ACCSL: variants seen among roughly 807,000 people sequenced by gnomAD.
ACCSL encodes the protein probable inactive 1-aminocyclopropane-1-carboxylate synthase-like protein 2.
In ACCSL, 55 loss-of-function variants were observed where a neutral mutation model predicts 61.7. The ratio of observed to expected loss-of-function variants is 0.89; its 90% CI spans 0.72 to 1.12. ACCSL has a LOEUF of 1.12. ACCSL is among the 50% of genes most tolerant of loss of function. ACCSL has a pLI of 0.00. For missense variants in ACCSL, 632 were observed against 698.0 expected (o/e 0.91, Z 1.07); for synonymous variants, 258 against 264.3 (o/e 0.98, Z 0.23).
At chr11:44,032,083 G>A in the ACCSL span, among the ~76,000 whole-genome samples, 3 of 152,140 alleles carry the variant, frequency 2.0e-5, no homozygotes, top group Non-Finnish European at 4.4e-5. Flanking sequence ...CATACTTAGC[G>A]GCTTAAGACT....
the ACCSL span, chr11:44,001,263 C>T: frequency 4.6e-5 from 7 of 151,598 alleles, no homozygotes; most frequent in South Asian, 1.3e-3. Flanking sequence ...GAACAATACT[C>T]GTTATTTGTA....
chr11:44,021,509 T>G, the ACCSL span, among the ~76,000 whole-genome samples: 10 of 151,946 alleles, frequency 6.6e-5, no homozygotes, highest in African/African-American at 2.4e-4. Context: ...TTGTAGCTTC[T>G]GTATATTAGT....
the ACCSL span, among the ~76,000 whole-genome samples, chr11:44,021,172 T>G: frequency 6.6e-6 from 1 of 152,192 alleles, no homozygotes; most frequent in Non-Finnish European, 1.5e-5. Flanking sequence ...AGCTCTAGTT[T>G]TAGTTCTTTA....
chr11:44,013,574 C>G, the ACCSL span, among the ~76,000 whole-genome samples: 1 of 152,110 alleles, frequency 6.6e-6, no homozygotes, highest in Non-Finnish European at 1.5e-5. Flanking sequence ...ATTACAGGCG[C>G]GAGCCACCAC....
At chr11:44,053,203 G>A (rs2134771140) in intron 7 of ACCSL, 135 bp downstream of exon 7, 1 of 876,326 alleles carries the variant, frequency 1.1e-6, no homozygotes, top group Non-Finnish European at 1.8e-6. Flanking sequence ...AATGATCCAG[G>A]GGTGTGTCCC....
At chr11:43,951,611 T>C in the ACCSL span, among the ~76,000 whole-genome samples, 2 of 152,240 alleles carry the variant, frequency 1.3e-5, no homozygotes, top group South Asian at 4.1e-4. Context: ...TTATGATGGT[T>C]TGACCCCCCA....
the ACCSL span, among the ~76,000 whole-genome samples, chr11:43,947,828 A>G: frequency 6.6e-6 from 1 of 152,142 alleles, no homozygotes; most frequent in African/African-American, 2.4e-5. Context: ...GGGTTCCTGG[A>G]TAATGGGGCT....
chr11:43,959,022 C>G, the ACCSL span, among the ~76,000 whole-genome samples: 1 of 152,168 alleles, frequency 6.6e-6, no homozygotes, highest in African/African-American at 2.4e-5. Flanking sequence ...TTCCCTCCAG[C>G]CCTTTTATAA....
the ACCSL span, among the ~76,000 whole-genome samples, chr11:43,947,862 C>T: frequency 6.6e-6 from 1 of 152,070 alleles, no homozygotes; most frequent in Admixed American, 6.5e-5. Context: ...AGACAGGAGC[C>T]CGGGCATCTG....
At chr11:43,924,723 G>A in the ACCSL span, among the ~76,000 whole-genome samples, 568 of 152,348 alleles carry the variant, frequency 3.7e-3, 5 homozygotes, top group African/African-American at 0.013. Context: ...CACCTGCCTG[G>A]GGGTTCGGTC....
At chr11:44,022,967 G>A in the ACCSL span, among the ~76,000 whole-genome samples, 1 of 151,332 alleles carries the variant, frequency 6.6e-6, no homozygotes, top group Non-Finnish European at 1.5e-5. Context: ...TTTTCTTTAT[G>A]GGAAGTTTTC....
chr11:43,983,535 A>G, the ACCSL span, among the ~76,000 whole-genome samples: 1 of 152,288 alleles, frequency 6.6e-6, no homozygotes, highest in Non-Finnish European at 1.5e-5. Context: ...GAACCAGAGA[A>G]TGATTGCATT....
the ACCSL span, among the ~76,000 whole-genome samples, chr11:44,012,908 G>C: frequency 3.2e-4 from 48 of 152,222 alleles, no homozygotes; most frequent in African/African-American, 1.1e-3. Context: ...TTCCTTCTTG[G>C]TGTCCTTTAC....
Position 44,056,401 on chromosome 11 carries a change from C to A in ACCSL, c.1327+75C>A. On this transcript the variant is annotated intron_variant, in intron 11 of 13. Coordinates refer to ENST00000378832, the MANE Select transcript of ACCSL (RefSeq NM_001031854.2). ...GGGGAATTCTTGGATTTGCTTGGGC[C>A]TCTGATGTGCCCTTAATATACTGAG... is the stretch of plus-strand genomic sequence containing the variant. 5 of 1,516,670 alleles carry A rather than the reference C, an allele frequency of 3.3e-6. No homozygotes were observed. The South Asian group carries it at 6.1e-5, about 19-fold the overall frequency. 94.0% of individuals were successfully genotyped at this position (1,516,670 alleles called of 1,614,324 possible). A position where few individuals can be genotyped will look rare whatever the true frequency, so the allele number is the denominator to read the frequency against.
At chr11:43,933,907 A>T in the ACCSL span, among the ~76,000 whole-genome samples, 1 of 152,122 alleles carries the variant, frequency 6.6e-6, no homozygotes, top group South Asian at 2.1e-4. Flanking sequence ...CAGCCCTGCC[A>T]TGGCAGCCGC....
At chr11:44,036,108 G>C in the ACCSL span, among the ~76,000 whole-genome samples, 2 of 152,218 alleles carry the variant, frequency 1.3e-5, no homozygotes, top group Non-Finnish European at 2.9e-5. Context: ...GGGGCAACCA[G>C]GTAGCAACCA....
chr11:43,933,740 G>A, the ACCSL span, among the ~76,000 whole-genome samples: 1 of 152,152 alleles, frequency 6.6e-6, no homozygotes, highest in Non-Finnish European at 1.5e-5. Context: ...CAGGTCCACA[G>A]GCTGGGCTTG....
chr11:43,964,219 G>A, the ACCSL span, among the ~76,000 whole-genome samples: 4 of 151,990 alleles, frequency 2.6e-5, no homozygotes, highest in Non-Finnish European at 4.4e-5. Flanking sequence ...TGAGGTGGGC[G>A]GATCATGAGG....
At chr11:43,993,214 C>A in the ACCSL span, among the ~76,000 whole-genome samples, 1 of 152,104 alleles carries the variant, frequency 6.6e-6, no homozygotes, top group South Asian at 2.1e-4. Context: ...TGGGGTATGG[C>A]CCCTCCTGGT....
Sources: gnomAD v4.1 joint callset for allele counts (sites outside exome capture counted in the v4.1 genomes callset) on GRCh38, gnomAD v4.1.1 for gene constraint, MANE v1.5 for transcripts, NCBI Gene and HGNC (gene_info 2026-07-23, HGNC 2026-07-21) for gene names.